Variants in IGSF21 observed in about 807,000 individuals in gnomAD.
IGSF21 encodes immunoglobin superfamily member 21.
In IGSF21, 28 loss-of-function variants were observed where a neutral mutation model predicts 46.8. The observed-to-expected ratio is 0.60, with a 90% confidence interval of 0.44 to 0.82. The LOEUF (loss-of-function observed/expected upper bound fraction) is 0.82, where lower values mean the gene tolerates loss of function less well. Among genes scored for constraint, IGSF21 ranks in the 40% least tolerant of loss-of-function variants. The pLI, the probability that IGSF21 is intolerant of heterozygous loss-of-function variation, is 0.00. For missense variants in IGSF21, 624 were observed against 665.5 expected (o/e 0.94, Z 0.69); for synonymous variants, 284 against 273.6 (o/e 1.04, Z -0.38).
chr1:18,144,059 C>T (rs879646042), intron 1 of IGSF21, among the ~76,000 whole-genome samples: 15 of 152,182 alleles, frequency 9.9e-5, no homozygotes, highest in Non-Finnish European at 4.4e-5. Flanking sequence ...AGGTCTGTGT[C>T]CCTAGACCTT....
chr1:18,338,664 AACGCGAGTGCAGCTGTAATTTC>A lies in IGSF21; in HGVS notation c.424+3659_424+3680del, dbSNP rs2085796910. On this transcript the variant is annotated intron_variant, in intron 4 of 9. Transcript: ENST00000251296. ...CCAGAGGCCTCCGGGTGAAGATGAA[AACGCGAGTGCAGCTGTAATTTC>A]ACGCCTATAACATCCCACTGTGTGG... is the stretch of plus-strand genomic sequence containing the variant. Among the ~76,000 whole-genome samples, 4 of 152,162 alleles carry A rather than the reference AACGCGAGTGCAGCTGTAATTTC, an allele frequency of 2.6e-5. No individual in the cohort carries two copies. In the South Asian group the frequency reaches 8.3e-4, roughly 32 times the overall value.
Position 18,257,795 on chromosome 1 carries a change from ATCCTTT to A in IGSF21, c.183+29791_183+29796del, listed in dbSNP as rs540557357. 7.4e-3 allele frequency among the ~76,000 whole-genome samples: 1,130 copies of A among 152,302 alleles called. 11 individuals are homozygous for A. The highest frequency in any genetic ancestry group is 0.025 in the African/African-American group (1,029 of 41,562). The stretch of plus-strand genomic sequence containing the variant: ...CTGGAAGAATAGTCAAGAGGAAGGC[ATCCTTT>A]TCCTTGAGGCTCTTCTCTTTGTCCA... On this transcript the variant is annotated intron_variant, in intron 2 of 9. Coordinates refer to ENST00000251296, the MANE Select transcript of IGSF21 (RefSeq NM_032880.5).
chr1:18,313,674 TC>T (rs1465659332), intron 3 of IGSF21, among the ~76,000 whole-genome samples: 1 of 152,174 alleles, frequency 6.6e-6, no homozygotes, highest in Admixed American at 6.5e-5. Flanking sequence ...CACAGGGCTC[TC>T]CATCTCCACC....
At chr1:18,159,484 G>A (rs1228332348) in intron 1 of IGSF21, among the ~76,000 whole-genome samples, 2 of 152,106 alleles carry the variant, frequency 1.3e-5, no homozygotes, top group Non-Finnish European at 2.9e-5. Flanking sequence ...CCCCCATACT[G>A]TTCTCGTGGT....
At chr1:18,251,569 G>T (rs2084842329) in intron 2 of IGSF21, among the ~76,000 whole-genome samples, 1 of 152,172 alleles carries the variant, frequency 6.6e-6, no homozygotes, top group Non-Finnish European at 1.5e-5. Flanking sequence ...GCTCTTATGG[G>T]CCAGTCTGGA....
chr1:18,317,579 T>A (rs1050270834), intron 3 of IGSF21, among the ~76,000 whole-genome samples: 16 of 152,346 alleles, frequency 1.1e-4, no homozygotes, highest in Middle Eastern at 3.4e-3. Flanking sequence ...AAGAGCCGCA[T>A]CTATGCACCT....
chr1:18,204,017 A>T (rs2087102635), intron 1 of IGSF21, among the ~76,000 whole-genome samples: 1 of 152,170 alleles, frequency 6.6e-6, no homozygotes, highest in African/African-American at 2.4e-5. Context: ...TATCTGTAAG[A>T]TGTGACCAAC....
At chr1:18,254,901 T>G (rs539338095) in intron 2 of IGSF21, among the ~76,000 whole-genome samples, 1 of 152,174 alleles carries the variant, frequency 6.6e-6, no homozygotes. Flanking sequence ...CCTCCATTCA[T>G]CCAGCACTTA....
intron 6 of IGSF21, among the ~76,000 whole-genome samples, chr1:18,367,077 T>C (rs2086174123): frequency 6.6e-6 from 1 of 152,116 alleles, no homozygotes. Context: ...ATGCCTGGGC[T>C]CATACTCCAA....
chr1:18,177,684 C>G (rs993346046), intron 1 of IGSF21, among the ~76,000 whole-genome samples: 6 of 152,164 alleles, frequency 3.9e-5, no homozygotes, highest in African/African-American at 1.4e-4. Flanking sequence ...CATCCCCTCT[C>G]TCCACTTGAA....
At chr1:18,345,150 T>C (rs1270741660) in intron 4 of IGSF21, among the ~76,000 whole-genome samples, 1 of 152,192 alleles carries the variant, frequency 6.6e-6, no homozygotes, top group Non-Finnish European at 1.5e-5. Context: ...GCACTCCTTC[T>C]TACCAGTCTG....
chr1:18,311,142 C>CA (rs2085484576), intron 3 of IGSF21, among the ~76,000 whole-genome samples: 1 of 152,186 alleles, frequency 6.6e-6, no homozygotes, highest in Non-Finnish European at 1.5e-5. Context: ...AGAACATGTA[C>CA]ACATTCACAT....
intron 1 of IGSF21, among the ~76,000 whole-genome samples, chr1:18,108,604 T>C (rs2086113556): frequency 1.3e-5 from 2 of 151,454 alleles, no homozygotes; most frequent in South Asian, 4.2e-4. Flanking sequence ...AGAAGGTGTG[T>C]GTGTGAGAGT....
intron 1 of IGSF21, among the ~76,000 whole-genome samples, chr1:18,141,900 T>A (rs1475271511): frequency 6.6e-6 from 1 of 151,888 alleles, no homozygotes; most frequent in Non-Finnish European, 1.5e-5. Flanking sequence ...AAGACCCCCA[T>A]TTCTACAAAA....
chr1:18,146,531 A>G (rs2086468626), intron 1 of IGSF21, among the ~76,000 whole-genome samples: 1 of 152,170 alleles, frequency 6.6e-6, no homozygotes, highest in Non-Finnish European at 1.5e-5. Context: ...GTGAAGAGTC[A>G]GGCTTCTCCC....
chr1:18,356,025 C>T (rs891474265), intron 4 of IGSF21, among the ~76,000 whole-genome samples: 14 of 151,838 alleles, frequency 9.2e-5, no homozygotes, highest in African/African-American at 1.7e-4. Flanking sequence ...AGTAGAGAGA[C>T]GGTTTCTCCA....
rs1346602776 is a variant in IGSF21 at position 18,225,058 on chromosome 1, CTG to C, written c.71-2838_71-2837del. 7.0e-3 allele frequency among the ~76,000 whole-genome samples: 648 copies of C among 92,996 alleles called. 5 individuals are homozygous for C. The highest frequency in any genetic ancestry group is 0.028 in the African/African-American group (584 of 20,808). The allele number at this position is 92,996 out of a possible 152,430, so 61.0% of individuals were successfully genotyped here. A position where few individuals can be genotyped will look rare whatever the true frequency, so the allele number is the denominator to read the frequency against. On this transcript the variant is annotated intron_variant, in intron 1 of 9. Coordinates refer to ENST00000251296, the MANE Select transcript of IGSF21 (RefSeq NM_032880.5). ...CCAGCCTGGATGACAGAGTGAGACTCTGTATCTCTCTCTCTCTCTCTCTCTCT... is the reference window on the plus strand; with the variant it reads ...CCAGCCTGGATGACAGAGTGAGACTCTATCTCTCTCTCTCTCTCTCTCTCT...
chr1:18,315,846 G>T (rs562903058), intron 3 of IGSF21, among the ~76,000 whole-genome samples: 3 of 151,040 alleles, frequency 2.0e-5, no homozygotes, highest in African/African-American at 7.3e-5. Flanking sequence ...TAGATGGGGG[G>T]TGAGTGGATG....
intron 1 of IGSF21, among the ~76,000 whole-genome samples, chr1:18,156,795 T>C (rs1012058639): frequency 6.6e-6 from 1 of 152,128 alleles, no homozygotes. Flanking sequence ...GGTGCAGGTG[T>C]GAGGCTGGAA....
Sources: gnomAD v4.1 joint callset for allele counts (sites outside exome capture counted in the v4.1 genomes callset) on GRCh38, gnomAD v4.1.1 for gene constraint, MANE v1.5 for transcripts, NCBI Gene and HGNC (gene_info 2026-07-23, HGNC 2026-07-21) for gene names.